Variants in ZZZ3 observed in about 807,000 individuals in gnomAD.
The protein encoded by ZZZ3 is zinc finger ZZ-type containing 3.
Under a neutral mutation model 95.2 loss-of-function variants are expected in ZZZ3, and 22 were observed. That is an observed-to-expected ratio of 0.23 (90% confidence interval 0.17 to 0.33). ZZZ3 has a LOEUF of 0.33. ZZZ3 is among the 10% of genes least tolerant of loss of function. The pLI, the probability that ZZZ3 is intolerant of heterozygous loss-of-function variation, is 1.00. For synonymous variants in ZZZ3, 335 were observed against 358.9 expected (o/e 0.93, Z 0.75); for missense variants, 885 against 1,066.5 (o/e 0.83, Z 2.37).
intron 5 of ZZZ3, among the ~76,000 whole-genome samples, chr1:77,616,387 C>A (rs1666316383): frequency 6.6e-6 from 1 of 152,106 alleles, no homozygotes. Flanking sequence ...TCCATTGAAC[C>A]CTGTAGTTTC....
In ZZZ3 at chr1:77,582,015, T is replaced by G; in HGVS notation, c.1756A>C (p.Arg586=). The stretch of plus-strand genomic sequence containing the variant: ...ACTAGCTTAACTCTTCTAGTATGTC[T>G]TTTACGATTTTTAAATTCTCTTTCA... ...NFEREFKNRK[R]HTRRVKLVFD... is the part of the protein sequence containing the mutation. Residue 586 remains arginine (R), a synonymous_variant, in exon 7 of 15, where the codon AGA becomes CGA. Coordinates refer to ENST00000370801, the MANE Select transcript of ZZZ3 (RefSeq NM_015534.6). 6.2e-7 allele frequency: 1 copy of G among 1,609,850 alleles called. No homozygotes were observed. The highest frequency in any genetic ancestry group is 8.5e-7 in the Non-Finnish European group (1 of 1,176,522).
intron 12 of ZZZ3, among the ~76,000 whole-genome samples, chr1:77,573,017 A>G (rs1302582701): frequency 2.6e-5 from 4 of 152,146 alleles, no homozygotes; most frequent in Non-Finnish European, 5.9e-5. Context: ...TTCAAGTACC[A>G]TCTTCACTGT....
chr1:77,584,222 C>T (rs1662834277), intron 6 of ZZZ3, among the ~76,000 whole-genome samples: 1 of 151,810 alleles, frequency 6.6e-6, no homozygotes, highest in Admixed American at 6.6e-5. Flanking sequence ...AGGAAAAATA[C>T]TCAAAGAAGG....
At chr1:77,676,202 T>C (rs923716890) in intron 1 of ZZZ3, among the ~76,000 whole-genome samples, 1 of 152,196 alleles carries the variant, frequency 6.6e-6, no homozygotes, top group Admixed American at 6.5e-5. Context: ...GGTCTCACTG[T>C]GTCACCCAGG....
intron 12 of ZZZ3, among the ~76,000 whole-genome samples, chr1:77,573,773 C>T (rs1177232546): frequency 6.6e-6 from 1 of 152,022 alleles, no homozygotes; most frequent in African/African-American, 2.4e-5. Context: ...AGCTATAGAA[C>T]AAAGGAGCTT....
At chr1:77,593,656 T>C (rs1051202042) in intron 5 of ZZZ3, among the ~76,000 whole-genome samples, 1 of 152,216 alleles carries the variant, frequency 6.6e-6, no homozygotes, top group Non-Finnish European at 1.5e-5. Flanking sequence ...TGGATAGTGA[T>C]TAAACAACTA....
intron 6 of ZZZ3, among the ~76,000 whole-genome samples, chr1:77,582,618 T>G (rs1421374769): frequency 2.7e-5 from 4 of 150,110 alleles, no homozygotes; most frequent in Admixed American, 2.7e-4. Flanking sequence ...AAATTAAACC[T>G]AGTAGGAAAA....
At chr1:77,565,844 T>G in intron 14 of ZZZ3, 60 bp from the exon 15 acceptor site, 2 of 1,486,080 alleles carry the variant, frequency 1.3e-6, no homozygotes, top group Non-Finnish European at 1.8e-6. Flanking sequence ...AGTCTGTGTA[T>G]TACAAAGCTT....
chr1:77,605,310 G>A (rs1665125485), intron 5 of ZZZ3, among the ~76,000 whole-genome samples: 1 of 152,164 alleles, frequency 6.6e-6, no homozygotes, highest in South Asian at 2.1e-4. Flanking sequence ...GGCAGCTAAC[G>A]CCCGCTCACA....
At chr1:77,636,724 A>T (rs1426045667) in intron 4 of ZZZ3, among the ~76,000 whole-genome samples, 2 of 151,666 alleles carry the variant, frequency 1.3e-5, no homozygotes, top group African/African-American at 4.8e-5. Flanking sequence ...AAAAAAAAAA[A>T]AAAAATCACG....
At chr1:77,569,958 T>C (rs1661209508) in intron 12 of ZZZ3, among the ~76,000 whole-genome samples, 1 of 152,168 alleles carries the variant, frequency 6.6e-6, no homozygotes, top group African/African-American at 2.4e-5. Context: ...GCTCTGTAAA[T>C]TCCCAATCCC....
chr1:77,627,548 C>T lies in ZZZ3; in HGVS notation c.1505+4302G>A, dbSNP rs187616786. ...TGAAAATATCAAATGTTTGTTTAAT[C>T]AACTATGAAATAAGCATGGTGCAAT... On this transcript the variant is annotated intron_variant, in intron 5 of 14. Coordinates refer to ENST00000370801, the MANE Select transcript of ZZZ3 (RefSeq NM_015534.6). Among the ~76,000 whole-genome samples, 393 of 152,256 alleles carry T rather than the reference C, an allele frequency of 2.6e-3. 5 individuals are homozygous for T. Among genetic ancestry groups the T allele is most frequent in the Non-Finnish European group, 3.8e-3 (260 of 68,006 alleles).
chr1:77,683,165 G>C (rs868773572), upstream of ZZZ3: 13 of 121,368 alleles, frequency 1.1e-4, no homozygotes, highest in African/African-American at 4.1e-4. Flanking sequence ...CTCCAAATCC[G>C]GGTCCCAAGC....
chr1:77,632,702 C>T lies in ZZZ3; in HGVS notation c.653G>A (p.Cys218Tyr), dbSNP rs1381467512. ...SDSAVINCDD[C>Y]QPDGNTKQNS... ...TTGTTTAGTGTTCCCATCAGGCTGA[C>T]AGTCATCACAGTTTATAACAGCTGA... is the stretch of plus-strand genomic sequence containing the variant. The change falls in exon 5 of 15, where the codon TGT becomes TAT. Residue 218 changes from cysteine to tyrosine, a missense_variant. By Grantham distance (194) the Cys-to-Tyr change is radical. Transcript: ENST00000370801. 3 of 1,614,080 alleles carry T rather than the reference C, an allele frequency of 1.9e-6. No individual in the cohort carries two copies. The highest frequency in any genetic ancestry group is 2.2e-5 in the East Asian group (1 of 44,896).
Position 77,658,369 on chromosome 1 carries a change from T to C in ZZZ3, c.-402-16714A>G, listed in dbSNP as rs531849919. Among the ~76,000 whole-genome samples, 6 of 151,958 alleles carry C rather than the reference T, an allele frequency of 3.9e-5. No homozygotes were observed. In the East Asian group the frequency reaches 1.2e-3, roughly 29 times the overall value. On this transcript the variant is annotated intron_variant, in intron 1 of 14. Coordinates refer to ENST00000370801, the MANE Select transcript of ZZZ3 (RefSeq NM_015534.6). ...ATTTTTTTATTTTTTAGAGACAGGGTCTCACTCTGTCACCCAGGCTGGAAT... is the reference window on the plus strand; with the variant it reads ...ATTTTTTTATTTTTTAGAGACAGGGCCTCACTCTGTCACCCAGGCTGGAAT...
chr1:77,667,911 C>T (rs986623051), intron 1 of ZZZ3, among the ~76,000 whole-genome samples: 1 of 151,556 alleles, frequency 6.6e-6, no homozygotes, highest in Admixed American at 6.6e-5. Flanking sequence ...ATTACATGCA[C>T]CTGCCACCAC....
At chr1:77,672,344 C>T (rs1671862651) in intron 1 of ZZZ3, among the ~76,000 whole-genome samples, 1 of 152,156 alleles carries the variant, frequency 6.6e-6, no homozygotes, top group African/African-American at 2.4e-5. Context: ...GTTCCATCTC[C>T]AGAGTTGGAG....
intron 1 of ZZZ3, chr1:77,676,872 C>T (rs1299576061): frequency 6.6e-6 from 1 of 151,782 alleles, no homozygotes; most frequent in African/African-American, 2.4e-5. Flanking sequence ...GAGAAAATTA[C>T]CAATTTGGAG....
chr1:77,616,329 A>G (rs1666309848), intron 5 of ZZZ3, among the ~76,000 whole-genome samples: 1 of 152,216 alleles, frequency 6.6e-6, no homozygotes, highest in Non-Finnish European at 1.5e-5. Context: ...AGATGACACC[A>G]TTTGCTTAAA....
Sources: gnomAD v4.1 joint callset for allele counts (sites outside exome capture counted in the v4.1 genomes callset) on GRCh38, gnomAD v4.1.1 for gene constraint, MANE v1.5 for transcripts, NCBI Gene and HGNC (gene_info 2026-07-23, HGNC 2026-07-21) for gene names.